The following PSMD1 variants were observed in gnomAD, a reference collection of about 807,000 sequenced individuals.
PSMD1 encodes 26S proteasome non-ATPase regulatory subunit 1.
Under a neutral mutation model 119.0 loss-of-function variants are expected in PSMD1, and 18 were observed. The observed-to-expected ratio is 0.15, with a 90% CI of 0.10 to 0.22. The LOEUF (loss-of-function observed/expected upper bound fraction) is 0.22. Ranked by LOEUF, PSMD1 falls within the 10% of genes least tolerant of loss-of-function variation. The pLI, the probability that PSMD1 is intolerant of heterozygous loss-of-function variation, is 1.00. For missense variants in PSMD1, 702 were observed against 1,158.5 expected (o/e 0.61, Z 5.72); for synonymous variants, 374 against 396.6 (o/e 0.94, Z 0.68).
chr2:231,125,421 GC>G, intron 16 of PSMD1, among the ~76,000 whole-genome samples: 1 of 152,306 alleles, frequency 6.6e-6, no homozygotes, highest in South Asian at 2.1e-4. Context: ...CGTTTTAAAA[GC>G]CTATAGTGAT....
At chr2:231,077,501 A>G (rs1694197195) in intron 9 of PSMD1, among the ~76,000 whole-genome samples, 1 of 152,158 alleles carries the variant, frequency 6.6e-6, no homozygotes, top group Non-Finnish European at 1.5e-5. Flanking sequence ...GCCTGCTCCA[A>G]ACTCTGTGGA....
intron 17 of PSMD1, among the ~76,000 whole-genome samples, chr2:231,140,694 A>G (rs1329283973): frequency 1.4e-5 from 2 of 146,088 alleles, no homozygotes; most frequent in East Asian, 4.2e-4. Flanking sequence ...CCTGGGCAAC[A>G]TGGCAAAACC....
At chr2:231,101,877 G>A (rs1694876342) in intron 16 of PSMD1, among the ~76,000 whole-genome samples, 2 of 152,184 alleles carry the variant, frequency 1.3e-5, no homozygotes, top group South Asian at 4.2e-4. Flanking sequence ...CTGGAGTGCA[G>A]TGGTGTGATC....
At chr2:231,150,521 G>A (rs1696353114) in intron 18 of PSMD1, among the ~76,000 whole-genome samples, 2 of 151,902 alleles carry the variant, frequency 1.3e-5, no homozygotes, top group African/African-American at 4.8e-5. Flanking sequence ...TCAGAGGTTT[G>A]TTTGTTTTTC....
chr2:231,061,283 T>G lies in PSMD1; in HGVS notation c.33T>G (p.Leu11=). MITSAAGIIS[L]LDEDEPQLKE... is the part of the protein sequence containing the mutation. ...TTCTCATAGCTGGAATTATTTCTCT[T>G]CTGGATGAAGATGAACCACAGCTTA... Residue 11 remains leucine, a synonymous_variant, in exon 2 of 25, where the codon CTT becomes CTG. Transcript: ENST00000308696. 1 of 1,597,276 alleles carries G rather than the reference T, an allele frequency of 6.3e-7. No homozygotes were observed. The highest frequency in any genetic ancestry group is 8.6e-7 in the Non-Finnish European group (1 of 1,166,720).
chr2:231,123,595 G>C (rs1189178543), intron 16 of PSMD1: 6 of 1,613,912 alleles, frequency 3.7e-6, no homozygotes, highest in African/African-American at 1.3e-5. Context: ...CAGAAGAGCT[G>C]CCCAGTGCAG....
intron 2 of PSMD1, 61 bp downstream of exon 2, chr2:231,061,371 A>G (rs779361309): frequency 1.9e-4 from 258 of 1,333,262 alleles, no homozygotes; most frequent in Non-Finnish European, 2.6e-4. Context: ...TTTTGAATTT[A>G]GTGATATCTG....
intron 16 of PSMD1, among the ~76,000 whole-genome samples, chr2:231,118,076 GA>G (rs1301072940): frequency 6.6e-6 from 1 of 152,044 alleles, no homozygotes; most frequent in African/African-American, 2.4e-5. Flanking sequence ...TTGTAATCTT[GA>G]ACAGATTACT....
Position 231,165,024 on chromosome 2 carries a change from TTATATATATTTATATATATATATATATA to T in PSMD1, c.2482-166_2482-139del, listed in dbSNP as rs1384962005. 1.7e-3 allele frequency: 234 copies of T among 139,708 alleles called. 10 individuals carry two copies. The highest frequency in any genetic ancestry group is 0.01 in the East Asian group (48 of 4,690). 8.7% of individuals were successfully genotyped at this position (139,708 alleles called of 1,614,324 possible). On this transcript the variant is annotated intron_variant, in intron 21 of 24. Coordinates refer to ENST00000308696, the MANE Select transcript of PSMD1 (RefSeq NM_002807.4). ...TTAGTTTTCCCATTTATTCTTTGAT[TTATATATATTTATATATATATATATATA>T]TATATATATATATATATATATATAT...
chr2:231,099,193 A>C (rs1230388178), intron 16 of PSMD1, among the ~76,000 whole-genome samples: 2 of 152,158 alleles, frequency 1.3e-5, no homozygotes, highest in Non-Finnish European at 2.9e-5. Context: ...TGGAATTTTT[A>C]GGCATGAGAG....
chr2:231,061,372 G>T, intron 2 of PSMD1, 62 bp downstream of exon 2: 1 of 1,321,116 alleles, frequency 7.6e-7, no homozygotes, highest in Admixed American at 2.0e-5. Context: ...TTTGAATTTA[G>T]TGATATCTGT....
rs563869783 is a variant in PSMD1, at chr2:231,084,372, T to A, written c.1722+609T>A. ...ATCTCAAAAATATATATATATATAT[T>A]TTTGGAATGATTTGATAGTCATTTA... On this transcript the variant is annotated intron_variant, in intron 14 of 24. Coordinates refer to ENST00000308696, the MANE Select transcript of PSMD1 (RefSeq NM_002807.4). Among the ~76,000 whole-genome samples the A allele has an allele frequency of 5.3e-5, 8 of 151,878 alleles. No homozygotes were observed. In the South Asian group the frequency reaches 1.7e-3, roughly 32 times the overall value.
At chr2:231,146,189 C>A in intron 17 of PSMD1, 51 bp from the exon 18 acceptor site, 1 of 1,251,076 alleles carries the variant, frequency 8.0e-7, no homozygotes, top group Non-Finnish European at 1.2e-6. Flanking sequence ...ATTGAAAGTT[C>A]AGCCATATCA....
At position 231,062,620 on chromosome 2, in the gene PSMD1, A is replaced by G. The variant is rs947943263; in HGVS notation, c.249A>G (p.Gly83=). ...AFEESLNYAL[G]AGDLFNVNDN... ...AGGAGTCTCTGAATTATGCTCTTGG[A>G]GCAGGGGACCTCTTCAATGTCAATG... The change falls in exon 4 of 25, where the codon GGA becomes GGG. Residue 83 remains glycine (G), a synonymous_variant. Coordinates refer to ENST00000308696, the MANE Select transcript of PSMD1 (RefSeq NM_002807.4). The G allele has an allele frequency of 5.6e-6, 9 of 1,613,136 alleles. No individual in the cohort carries two copies. Among genetic ancestry groups the G allele is most frequent in the Non-Finnish European group, 7.6e-6 (9 of 1,179,744 alleles).
chr2:231,090,280 C>T (rs534801080), intron 16 of PSMD1, among the ~76,000 whole-genome samples: 6 of 152,300 alleles, frequency 3.9e-5, no homozygotes, highest in African/African-American at 1.4e-4. Context: ...TGGTGGCTCA[C>T]GCCTGTAATC....
At chr2:231,154,833 T>A (rs974121258) in intron 19 of PSMD1, among the ~76,000 whole-genome samples, 2 of 152,236 alleles carry the variant, frequency 1.3e-5, no homozygotes, top group Non-Finnish European at 2.9e-5. Context: ...ATTGAATCAT[T>A]TTTGAGGAAA....
chr2:231,146,192 C>A, intron 17 of PSMD1, 48 bp from the exon 18 acceptor site: 2 of 1,278,340 alleles, frequency 1.6e-6, no homozygotes, highest in Non-Finnish European at 2.3e-6. Flanking sequence ...GAAAGTTCAG[C>A]CATATCAACT....
In PSMD1 at chr2:231,102,153, T is replaced by G. The variant is rs562020702; in HGVS notation, c.1883+14972T>G. 6.8e-4 allele frequency among the ~76,000 whole-genome samples: 103 copies of G among 152,302 alleles called. 1 individual carries two copies. Among genetic ancestry groups the G allele is most frequent in the African/African-American group, 2.3e-3 (94 of 41,574 alleles). The stretch of plus-strand genomic sequence containing the variant: ...TTTTAACTGAGGTATATACATTTTT[T>G]TGGACATAATGATGTTGCACACTTA... On this transcript the variant is annotated intron_variant, in intron 16 of 24. Coordinates refer to ENST00000308696, the MANE Select transcript of PSMD1 (RefSeq NM_002807.4).
intron 14 of PSMD1, 141 bp from the exon 15 acceptor site, chr2:231,084,878 C>A: frequency 1.6e-6 from 1 of 638,430 alleles, no homozygotes; most frequent in Non-Finnish European, 2.7e-6. Flanking sequence ...ATTTCAAAAA[C>A]TACCAACCAC....
Sources: gnomAD v4.1 joint callset for allele counts (sites outside exome capture counted in the v4.1 genomes callset) on GRCh38, gnomAD v4.1.1 for gene constraint, MANE v1.5 for transcripts, NCBI Gene and HGNC (gene_info 2026-07-23, HGNC 2026-07-21) for gene names.